The following SH3RF3 variants were observed in gnomAD, a reference collection of about 807,000 sequenced individuals.
SH3RF3 encodes the protein E3 ubiquitin-protein ligase SH3RF3.
SH3RF3 carries 29 observed loss-of-function variants against 66.3 expected under a neutral mutation model. The ratio of observed to expected loss-of-function variants is 0.44; its 90% CI spans 0.33 to 0.60. The LOEUF (loss-of-function observed/expected upper bound fraction) is 0.60. Ranked by LOEUF, SH3RF3 falls within the 20% of genes least tolerant of loss-of-function variation. SH3RF3 has a pLI of 0.04. For missense variants in SH3RF3, 1,194 were observed against 1,190.9 expected (o/e 1.00, Z -0.04); for synonymous variants, 583 against 532.0 (o/e 1.10, Z -1.32).
At chr2:109,432,798 G>A in intron 6 of SH3RF3, 127 bp downstream of exon 6, 1 of 1,311,316 alleles carries the variant, frequency 7.6e-7, no homozygotes. Flanking sequence ...CCAGTGCCCA[G>A]GGTTCAGCCC....
chr2:109,417,886 A>G (rs1431393586), intron 4 of SH3RF3, among the ~76,000 whole-genome samples: 1 of 152,216 alleles, frequency 6.6e-6, no homozygotes, highest in South Asian at 2.1e-4. Flanking sequence ...AAGCAAGGCC[A>G]GAACTGGTCA....
chr2:109,265,149 T>C (rs1460233893), intron 1 of SH3RF3, among the ~76,000 whole-genome samples: 1 of 151,992 alleles, frequency 6.6e-6, no homozygotes, highest in Non-Finnish European at 1.5e-5. Context: ...TTTTTTTTCC[T>C]TGTTATTTAA....
chr2:109,487,945 G>A (rs976166750), intron 8 of SH3RF3, among the ~76,000 whole-genome samples: 2 of 152,366 alleles, frequency 1.3e-5, no homozygotes, highest in East Asian at 3.9e-4. Context: ...TGATTCTAGA[G>A]GGGAGCCTAG....
chr2:109,371,537 T>C (rs180956274), intron 2 of SH3RF3, 49 bp from the exon 3 acceptor site: 26 of 1,517,992 alleles, frequency 1.7e-5, no homozygotes, highest in African/African-American at 1.5e-4. Flanking sequence ...TCCTTTTTCA[T>C]TGTGTGTGTG....
At chr2:109,364,291 T>C (rs902691941) in intron 2 of SH3RF3, among the ~76,000 whole-genome samples, 2 of 152,236 alleles carry the variant, frequency 1.3e-5, no homozygotes, top group Non-Finnish European at 2.9e-5. Context: ...AAGGCATTCT[T>C]CATTTCTGCT....
chr2:109,140,200 C>T (rs1574470127), intron 1 of SH3RF3, among the ~76,000 whole-genome samples: 1 of 152,098 alleles, frequency 6.6e-6, no homozygotes, highest in South Asian at 2.1e-4. Context: ...GCATATGGGT[C>T]GATTGATGCA....
chr2:109,484,554 G>A (rs1174517150), intron 8 of SH3RF3, among the ~76,000 whole-genome samples: 2 of 152,012 alleles, frequency 1.3e-5, no homozygotes, highest in African/African-American at 2.4e-5. Context: ...GCCCCCTCCT[G>A]TGGAGTTACC....
intron 1 of SH3RF3, among the ~76,000 whole-genome samples, chr2:109,174,340 C>T (rs1677869257): frequency 6.6e-6 from 1 of 152,224 alleles, no homozygotes; most frequent in Non-Finnish European, 1.5e-5. Flanking sequence ...TTCCTGTGTA[C>T]CAGACTGGGT....
At chr2:109,254,089 T>C (rs890790664) in intron 1 of SH3RF3, among the ~76,000 whole-genome samples, 4 of 152,110 alleles carry the variant, frequency 2.6e-5, no homozygotes, top group Non-Finnish European at 4.4e-5. Flanking sequence ...CACATGAGAA[T>C]TTCCCTGGGC....
intron 1 of SH3RF3, among the ~76,000 whole-genome samples, chr2:109,229,878 G>A (rs1458265604): frequency 2.0e-5 from 3 of 147,020 alleles, no homozygotes; most frequent in Non-Finnish European, 4.5e-5. Context: ...AGGCTGGAGT[G>A]CAGTGGCGCA....
Position 109,370,856 on chromosome 2 carries a change from G to T in SH3RF3, c.850-730G>T, listed in dbSNP as rs530436171. Among the ~76,000 whole-genome samples, 256 of 152,262 alleles carry T rather than the reference G, an allele frequency of 1.7e-3. 1 individual carries two copies. Among genetic ancestry groups the T allele is most frequent in the African/African-American group, 6.1e-3 (252 of 41,532 alleles). ...TTAATATTCCAAAGAATTGAAGAGG[G>T]TTACTGAAAGCTTTATGTGCCCATG... On this transcript the variant is annotated intron_variant, in intron 2 of 9. Transcript: ENST00000309415.
At chr2:109,423,642 C>G (rs925390690) in intron 5 of SH3RF3, among the ~76,000 whole-genome samples, 1 of 152,182 alleles carries the variant, frequency 6.6e-6, no homozygotes, top group Non-Finnish European at 1.5e-5. Context: ...CCTGGATCAG[C>G]GAAATCACCG....
intron 1 of SH3RF3, among the ~76,000 whole-genome samples, chr2:109,255,778 A>G (rs1680208952): frequency 1.3e-5 from 2 of 152,236 alleles, no homozygotes; most frequent in South Asian, 2.1e-4. Flanking sequence ...TTCCTGATTT[A>G]ATGAAGACAA....
At chr2:109,362,561 T>C (rs1318322023) in intron 2 of SH3RF3, among the ~76,000 whole-genome samples, 1 of 152,204 alleles carries the variant, frequency 6.6e-6, no homozygotes, top group Non-Finnish European at 1.5e-5. Flanking sequence ...AGATATTATG[T>C]GGATGTCAGT....
intron 1 of SH3RF3, among the ~76,000 whole-genome samples, chr2:109,221,761 A>G (rs1679249381): frequency 2.0e-5 from 3 of 152,200 alleles, no homozygotes; most frequent in Admixed American, 2.0e-4. Flanking sequence ...ATTGGTGGGA[A>G]CATAAATAAG....
In SH3RF3 at chr2:109,355,931, G is replaced by T. The variant is rs1159019131; in HGVS notation, c.849+7982G>T. On this transcript the variant is annotated intron_variant, in intron 2 of 9. Transcript: ENST00000309415. ...TGAGGACAAATCAGAGTCCTGTTGT[G>T]ATCTAGCCATGAAAAGTTGCCATTG... Among the ~76,000 whole-genome samples the T allele has an allele frequency of 3.9e-5, 6 of 152,328 alleles. No homozygotes were observed. The East Asian group carries it at 7.7e-4, about 20-fold the overall frequency.
At chr2:109,302,558 C>T (rs1681495900) in intron 1 of SH3RF3, among the ~76,000 whole-genome samples, 1 of 152,178 alleles carries the variant, frequency 6.6e-6, no homozygotes, top group African/African-American at 2.4e-5. Flanking sequence ...GGCCAGAGAC[C>T]CTGTGCTGTG....
At chr2:109,225,301 C>G (rs1286971292) in intron 1 of SH3RF3, among the ~76,000 whole-genome samples, 1 of 152,190 alleles carries the variant, frequency 6.6e-6, no homozygotes, top group Non-Finnish European at 1.5e-5. Flanking sequence ...GTCCTCAAAC[C>G]ATTGTACTCA....
intron 1 of SH3RF3, among the ~76,000 whole-genome samples, chr2:109,337,444 G>A (rs972034747): frequency 1.3e-5 from 2 of 152,160 alleles, no homozygotes; most frequent in African/African-American, 4.8e-5. Context: ...CCACCCCCTC[G>A]CATATGGCGA....
Sources: allele counts gnomAD v4.1 joint callset (sites outside exome capture counted in the v4.1 genomes callset), GRCh38; gene constraint gnomAD v4.1.1; transcripts MANE v1.5; gene names NCBI Gene and HGNC (gene_info 2026-07-23, HGNC 2026-07-21).